Variants in ABHD3 observed in about 807,000 individuals in gnomAD.
ABHD3 encodes the protein phospholipase ABHD3.
In ABHD3, 46 loss-of-function variants were observed where a neutral mutation model predicts 48.8. The ratio of observed to expected loss-of-function variants is 0.94; its 90% confidence interval spans 0.74 to 1.20. The LOEUF is 1.20. Among genes scored for constraint, ABHD3 ranks in the 50% most tolerant of loss-of-function variants. ABHD3 has a pLI of 0.00. For synonymous variants in ABHD3, 192 were observed against 183.7 expected, an observed-to-expected ratio of 1.04 and a Z score of -0.36; for missense variants, 490 against 497.8, an observed-to-expected ratio of 0.98 and a Z score of 0.15.
In ABHD3 at chr18:21,681,111, A is replaced by C. The variant is rs528647116; in HGVS notation, c.555+2809T>G. On this transcript the variant is annotated intron_variant, in intron 4 of 8. Coordinates refer to ENST00000289119, the MANE Select transcript of ABHD3 (RefSeq NM_138340.5). ...TAATCTCAGCTACTCCTGAGCTTCA[A>C]CTTCTACCTGCACACTGATAATCTC... Among the ~76,000 whole-genome samples the C allele has an allele frequency of 1.4e-4, 21 of 152,010 alleles. No individual in the cohort carries two copies. The East Asian group carries it at 3.9e-3, about 28-fold the overall frequency.
chr18:21,665,920 C>T (rs966558635), intron 4 of ABHD3, among the ~76,000 whole-genome samples: 2 of 152,144 alleles, frequency 1.3e-5, no homozygotes, highest in African/African-American at 4.8e-5. Flanking sequence ...ACCTTGAGTG[C>T]TGTCTGCCAA....
intron 3 of ABHD3, among the ~76,000 whole-genome samples, chr18:21,690,225 G>A (rs1018057913): frequency 3.9e-5 from 6 of 151,974 alleles, no homozygotes; most frequent in Non-Finnish European, 7.4e-5. Flanking sequence ...TTTGCAAATT[G>A]CAGCTCGAAC....
At position 21,680,036 on chromosome 18, in the gene ABHD3, T is replaced by C. The variant is rs1267993294; in HGVS notation, c.555+3884A>G. On this transcript the variant is annotated intron_variant, in intron 4 of 8. Transcript: ENST00000289119. ...TATTTCTTTTTGTTTGTTTTTGAGA[T>C]GGAGTCTTGCTCTGTCGTCCAGGCT... is the stretch of plus-strand genomic sequence containing the variant. Among the ~76,000 whole-genome samples, 4 of 151,198 alleles carry C rather than the reference T, an allele frequency of 2.6e-5. No individual in the cohort carries two copies. The East Asian group carries it at 8.0e-4, about 30-fold the overall frequency.
At chr18:21,666,635 T>C (rs1446996029) in intron 4 of ABHD3, among the ~76,000 whole-genome samples, 2 of 152,226 alleles carry the variant, frequency 1.3e-5, no homozygotes, top group African/African-American at 4.8e-5. Flanking sequence ...TGGCCAAACA[T>C]TTTCTTTTCT....
intron 8 of ABHD3, among the ~76,000 whole-genome samples, chr18:21,653,494 C>A (rs945752276): frequency 6.0e-5 from 9 of 151,100 alleles, no homozygotes; most frequent in Non-Finnish European, 1.3e-4. Flanking sequence ...TTTTTTCTCC[C>A]ATGCTTAGAG....
At chr18:21,674,666 G>A (rs1261033526) in intron 4 of ABHD3, among the ~76,000 whole-genome samples, 1 of 152,150 alleles carries the variant, frequency 6.6e-6, no homozygotes, top group African/African-American at 2.4e-5. Flanking sequence ...GCCTTCCTGG[G>A]TTGTTATATA....
intron 3 of ABHD3, among the ~76,000 whole-genome samples, chr18:21,685,812 C>T (rs1384816807): frequency 2.0e-5 from 3 of 152,232 alleles, no homozygotes; most frequent in African/African-American, 4.8e-5. Context: ...ATTCTCCTGC[C>T]TCAGCCTCCT....
chr18:21,664,375 T>C (rs1282236804), intron 4 of ABHD3, 145 bp from the exon 5 acceptor site: 3 of 746,528 alleles, frequency 4.0e-6, no homozygotes, highest in Non-Finnish European at 6.2e-6. Context: ...TAATTTATCA[T>C]TTTCCTGTCT....
intron 3 of ABHD3, among the ~76,000 whole-genome samples, chr18:21,694,108 A>T (rs190690530): frequency 1.3e-5 from 2 of 151,068 alleles, no homozygotes; most frequent in East Asian, 1.9e-4. Flanking sequence ...TTTTTTTAAA[A>T]TTTATTTTTA....
chr18:21,659,403 A>G, intron 5 of ABHD3, 60 bp from the exon 6 acceptor site: 2 of 1,501,280 alleles, frequency 1.3e-6, no homozygotes, highest in African/African-American at 2.8e-5. Context: ...GAAGACATCC[A>G]TTTCTAACTA....
intron 3 of ABHD3, among the ~76,000 whole-genome samples, chr18:21,691,597 C>A (rs2040253451): frequency 6.6e-6 from 1 of 152,198 alleles, no homozygotes; most frequent in African/African-American, 2.4e-5. Flanking sequence ...ACATGCCTAA[C>A]TCATGATTAT....
At chr18:21,697,738 A>G (rs752432355) in intron 3 of ABHD3, among the ~76,000 whole-genome samples, 10 of 152,218 alleles carry the variant, frequency 6.6e-5, no homozygotes, top group Non-Finnish European at 1.0e-4. Context: ...TATCTTAAAC[A>G]AACTTAAGCC....
At chr18:21,668,424 T>C (rs2039686837) in intron 4 of ABHD3, among the ~76,000 whole-genome samples, 1 of 152,092 alleles carries the variant, frequency 6.6e-6, no homozygotes. Flanking sequence ...TTTAACTATA[T>C]GTGTATATGT....
intron 4 of ABHD3, among the ~76,000 whole-genome samples, chr18:21,671,817 T>C (rs563837181): frequency 6.6e-6 from 1 of 152,196 alleles, no homozygotes; most frequent in Non-Finnish European, 1.5e-5. Context: ...TATTATTTTT[T>C]ATAGAAATGA....
rs545287363 is a variant in ABHD3, at chr18:21,684,630, T to G, written c.510-665A>C. Among the ~76,000 whole-genome samples, 3 of 152,274 alleles carry G rather than the reference T, an allele frequency of 2.0e-5. No homozygotes were observed. In the East Asian group the frequency reaches 5.8e-4, roughly 29 times the overall value. ...GAGCCACTGCGTCTGGCCTTGTTTTTGCTTTAAACAAAGAAAAAATATATA... is the reference window on the plus strand; with the variant it reads ...GAGCCACTGCGTCTGGCCTTGTTTTGGCTTTAAACAAAGAAAAAATATATA... On this transcript the variant is annotated intron_variant, in intron 3 of 8. Transcript: ENST00000289119.
chr18:21,654,308 C>T (rs1002248771), intron 8 of ABHD3, among the ~76,000 whole-genome samples: 2 of 152,140 alleles, frequency 1.3e-5, no homozygotes, highest in Non-Finnish European at 2.9e-5. Flanking sequence ...TTAAAGGTAA[C>T]AGCTTCTCTA....
intron 3 of ABHD3, among the ~76,000 whole-genome samples, chr18:21,693,610 C>A (rs548241174): frequency 1.3e-5 from 2 of 152,120 alleles, no homozygotes; most frequent in African/African-American, 4.8e-5. Flanking sequence ...ACAATTAGTG[C>A]CCTAGAGAAT....
chr18:21,689,489 C>A (rs1473283399), intron 3 of ABHD3, among the ~76,000 whole-genome samples: 3 of 128,098 alleles, frequency 2.3e-5, no homozygotes, highest in Non-Finnish European at 4.6e-5. Flanking sequence ...GCGGAGTTTG[C>A]AGTGAGCCAA....
chr18:21,684,086 T>C (rs2040071891), intron 3 of ABHD3, 121 bp from the exon 4 acceptor site: 3 of 862,992 alleles, frequency 3.5e-6, no homozygotes, highest in Admixed American at 5.7e-5. Flanking sequence ...ATCTGTCTTG[T>C]AGTTGTAATG....
Sources: gnomAD v4.1 joint callset for allele counts (sites outside exome capture counted in the v4.1 genomes callset) on GRCh38, gnomAD v4.1.1 for gene constraint, MANE v1.5 for transcripts, NCBI Gene and HGNC (gene_info 2026-07-23, HGNC 2026-07-21) for gene names.